SORCS1: variants seen among roughly 807,000 people sequenced by gnomAD.
The protein encoded by SORCS1 is sortilin related VPS10 domain containing receptor 1.
In SORCS1, 60 loss-of-function variants were observed where a neutral mutation model predicts 146.1. The observed-to-expected ratio is 0.41, with a 90% CI of 0.33 to 0.51. The LOEUF (loss-of-function observed/expected upper bound fraction) is 0.51, where lower values mean the gene tolerates loss of function less well. Ranked by LOEUF, SORCS1 falls within the 20% of genes least tolerant of loss-of-function variation. The pLI, the probability that SORCS1 is intolerant of heterozygous loss-of-function variation, is 0.21. For synonymous variants in SORCS1, 637 were observed against 584.0 expected (o/e 1.09, Z -1.31); for missense variants, 1,352 against 1,487.6 (o/e 0.91, Z 1.50).
At chr10:107,130,900 T>G (rs1966860586) in intron 1 of SORCS1, among the ~76,000 whole-genome samples, 1 of 152,166 alleles carries the variant, frequency 6.6e-6, no homozygotes, top group Admixed American at 6.5e-5. Flanking sequence ...AATGTTTCCA[T>G]CATCCCCAAA....
At chr10:106,971,701 T>C (rs953408589) in intron 1 of SORCS1, among the ~76,000 whole-genome samples, 5 of 152,130 alleles carry the variant, frequency 3.3e-5, no homozygotes, top group African/African-American at 1.2e-4. Flanking sequence ...CGTTCAAGAG[T>C]GTTAGCTTTC....
intron 1 of SORCS1, among the ~76,000 whole-genome samples, chr10:107,090,874 G>A (rs1175079173): frequency 6.6e-6 from 1 of 151,844 alleles, no homozygotes; most frequent in Non-Finnish European, 1.5e-5. Context: ...AGCAACACTG[G>A]ATCTAGAATT....
At chr10:106,770,078 G>C (rs1859899300) in intron 4 of SORCS1, among the ~76,000 whole-genome samples, 1 of 152,178 alleles carries the variant, frequency 6.6e-6, no homozygotes, top group Non-Finnish European at 1.5e-5. Flanking sequence ...GGGCAAGACA[G>C]TAAGACTGTC....
intron 5 of SORCS1, among the ~76,000 whole-genome samples, chr10:106,753,832 G>A (rs999709789): frequency 9.8e-5 from 15 of 152,292 alleles, no homozygotes; most frequent in Admixed American, 9.2e-4. Flanking sequence ...GCGCCATGAA[G>A]ATACACTGGA....
intron 24 of SORCS1, among the ~76,000 whole-genome samples, chr10:106,592,238 C>T (rs1845644731): frequency 6.6e-6 from 1 of 152,124 alleles, no homozygotes; most frequent in African/African-American, 2.4e-5. Context: ...AACCAAGAAC[C>T]ACAGGAATGG....
At chr10:106,596,008 T>C (rs1162176793) in intron 24 of SORCS1, among the ~76,000 whole-genome samples, 1 of 152,180 alleles carries the variant, frequency 6.6e-6, no homozygotes, top group Non-Finnish European at 1.5e-5. Context: ...CCTGAATTAA[T>C]CTTCACACAA....
At chr10:106,915,279 A>G (rs183785573) in intron 2 of SORCS1, among the ~76,000 whole-genome samples, 1 of 152,194 alleles carries the variant, frequency 6.6e-6, no homozygotes, top group East Asian at 1.9e-4. Flanking sequence ...CTATCCCTTT[A>G]ACTGGTTCAT....
chr10:107,082,105 A>G (rs994380130), intron 1 of SORCS1, among the ~76,000 whole-genome samples: 2 of 151,994 alleles, frequency 1.3e-5, no homozygotes, highest in African/African-American at 4.8e-5. Flanking sequence ...TTTTCCTTCA[A>G]TTTAATTTCA....
At chr10:106,796,596 A>G (rs1479139652) in intron 3 of SORCS1, among the ~76,000 whole-genome samples, 1 of 152,198 alleles carries the variant, frequency 6.6e-6, no homozygotes, top group African/African-American at 2.4e-5. Flanking sequence ...TAGGCTAAAT[A>G]TCTTTCTTCT....
At chr10:106,605,183 A>G (rs537563912) in intron 23 of SORCS1, among the ~76,000 whole-genome samples, 29 of 152,362 alleles carry the variant, frequency 1.9e-4, no homozygotes, top group African/African-American at 6.7e-4. Context: ...GGCCACACTC[A>G]GCTCTCTGAG....
At chr10:106,984,055 G>A (rs1160776309) in intron 1 of SORCS1, among the ~76,000 whole-genome samples, 2 of 152,062 alleles carry the variant, frequency 1.3e-5, no homozygotes, top group Non-Finnish European at 2.9e-5. Flanking sequence ...ACCAATTCCT[G>A]GGTTAATGGA....
intron 1 of SORCS1, among the ~76,000 whole-genome samples, chr10:106,957,747 A>C (rs1955032794): frequency 6.6e-6 from 1 of 152,216 alleles, no homozygotes; most frequent in African/African-American, 2.4e-5. Flanking sequence ...TGCTAAATTT[A>C]AGCTATATTC....
chr10:106,795,800 C>G (rs1250865488), intron 3 of SORCS1, among the ~76,000 whole-genome samples: 3 of 152,180 alleles, frequency 2.0e-5, no homozygotes, highest in East Asian at 3.9e-4. Flanking sequence ...CTCTAAGAGA[C>G]AGCAGGGGGA....
At chr10:107,148,146 G>C (rs1968490673) in intron 1 of SORCS1, among the ~76,000 whole-genome samples, 1 of 152,162 alleles carries the variant, frequency 6.6e-6, no homozygotes, top group Non-Finnish European at 1.5e-5. Context: ...ATGCCTTTGA[G>C]CCAGGAAAAC....
chr10:106,979,700 C>A (rs1956173683), intron 1 of SORCS1, among the ~76,000 whole-genome samples: 1 of 152,110 alleles, frequency 6.6e-6, no homozygotes, highest in Admixed American at 6.5e-5. Context: ...GCTCTCCATT[C>A]AGTCACAGGA....
At chr10:106,991,592 C>T (rs922218074) in intron 1 of SORCS1, among the ~76,000 whole-genome samples, 3 of 152,194 alleles carry the variant, frequency 2.0e-5, no homozygotes, top group African/African-American at 7.2e-5. Flanking sequence ...ACAGAGTCAA[C>T]AGAACCAAGA....
chr10:107,051,056 T>C (rs74154840), intron 1 of SORCS1, among the ~76,000 whole-genome samples: 3,335 of 152,100 alleles, frequency 0.022, 106 homozygotes, highest in African/African-American at 0.075. Flanking sequence ...CAAATAACAA[T>C]TGAACACCTA....
intron 1 of SORCS1, among the ~76,000 whole-genome samples, chr10:107,053,214 G>A (rs1960288072): frequency 6.6e-6 from 1 of 152,122 alleles, no homozygotes; most frequent in South Asian, 2.1e-4. Flanking sequence ...TCCGCTAGCA[G>A]AGTACTGATG....
chr10:106,961,485 G>A (rs75047598), intron 1 of SORCS1, among the ~76,000 whole-genome samples: 3,388 of 152,254 alleles, frequency 0.022, 237 homozygotes, highest in East Asian at 0.2. Flanking sequence ...AGAAGCACAG[G>A]AATTTTCCAT....
Sources: gnomAD v4.1 joint callset for allele counts (sites outside exome capture counted in the v4.1 genomes callset) on GRCh38, gnomAD v4.1.1 for gene constraint, MANE v1.5 for transcripts, NCBI Gene and HGNC (gene_info 2026-07-23, HGNC 2026-07-21) for gene names.